The following CNTN5 variants were observed in gnomAD, a reference collection of about 807,000 sequenced individuals.
CNTN5 encodes the protein contactin 5, also known as contactin-5.
Under a neutral mutation model 129.1 loss-of-function variants are expected in CNTN5, and 77 were observed. The ratio of observed to expected loss-of-function variants is 0.60; its 90% CI spans 0.50 to 0.72. The LOEUF is 0.72. Ranked by LOEUF, CNTN5 falls within the 30% of genes least tolerant of loss-of-function variation. CNTN5 has a pLI of 0.00. For missense variants in CNTN5, 1,478 were observed against 1,328.8 expected (o/e 1.11, Z -1.75); for synonymous variants, 509 against 465.6 (o/e 1.09, Z -1.20).
At chr11:100,141,696 C>T (rs1055974370) in intron 13 of CNTN5, among the ~76,000 whole-genome samples, 9 of 152,022 alleles carry the variant, frequency 5.9e-5, no homozygotes, top group Admixed American at 1.3e-4. Flanking sequence ...AATAAAATAG[C>T]GTAAGAAATC....
chr11:100,180,371 C>T (rs1222884923), intron 13 of CNTN5, among the ~76,000 whole-genome samples: 2 of 151,904 alleles, frequency 1.3e-5, no homozygotes, highest in African/African-American at 2.4e-5. Context: ...AAAAGGATAG[C>T]CTTTTGGAAA....
intron 1 of CNTN5, among the ~76,000 whole-genome samples, chr11:99,082,352 T>C (rs935542825): frequency 2.6e-5 from 4 of 152,034 alleles, no homozygotes; most frequent in African/African-American, 9.7e-5. Context: ...GCCCAGCTAA[T>C]TTTTGTATTT....
At chr11:99,319,015 AT>A (rs1865456162) in intron 1 of CNTN5, among the ~76,000 whole-genome samples, 1 of 152,184 alleles carries the variant, frequency 6.6e-6, no homozygotes, top group Non-Finnish European at 1.5e-5. Flanking sequence ...GAAAAGGTGA[AT>A]TGGACTGTGC....
At chr11:99,232,258 G>T (rs1291964370) in intron 1 of CNTN5, among the ~76,000 whole-genome samples, 1 of 152,130 alleles carries the variant, frequency 6.6e-6, no homozygotes, top group South Asian at 2.1e-4. Flanking sequence ...CCATTTTCAT[G>T]ATATTGATTT....
At chr11:100,032,132 C>A (rs912690809) in intron 9 of CNTN5, among the ~76,000 whole-genome samples, 3 of 152,126 alleles carry the variant, frequency 2.0e-5, no homozygotes, top group African/African-American at 7.2e-5. Context: ...CCAGGGGCTG[C>A]AGGTGAGAGA....
At chr11:100,027,551 T>C (rs1245809237) in intron 9 of CNTN5, among the ~76,000 whole-genome samples, 2 of 152,216 alleles carry the variant, frequency 1.3e-5, no homozygotes, top group Non-Finnish European at 2.9e-5. Flanking sequence ...TGTCCTTTCC[T>C]ATTTTAAAAT....
chr11:99,086,895 C>T (rs1866029217), intron 1 of CNTN5, among the ~76,000 whole-genome samples: 1 of 152,160 alleles, frequency 6.6e-6, no homozygotes, highest in East Asian at 1.9e-4. Flanking sequence ...CACTCTTTTA[C>T]ATATATAAAT....
At chr11:99,367,043 GT>G (rs1225943111) in intron 2 of CNTN5, among the ~76,000 whole-genome samples, 2 of 152,204 alleles carry the variant, frequency 1.3e-5, no homozygotes, top group Admixed American at 6.6e-5. Context: ...ATATTAAAAT[GT>G]TTTTATGGTA....
At chr11:99,118,244 T>G (rs1186410352) in intron 1 of CNTN5, among the ~76,000 whole-genome samples, 1 of 152,132 alleles carries the variant, frequency 6.6e-6, no homozygotes, top group Non-Finnish European at 1.5e-5. Flanking sequence ...AGCCAACCCT[T>G]GGCTAGTCTT....
chr11:99,858,614 A>G (rs1464242650), intron 6 of CNTN5, among the ~76,000 whole-genome samples: 1 of 102 alleles, frequency 9.8e-3, no homozygotes, highest in East Asian at 0.17. Flanking sequence ...TACCTTTAGA[A>G]AGATTCTGTG....
rs1298973819 is a variant in CNTN5, at chr11:99,844,889, AGAT to A, written c.319_321del (p.Asp107del). ...ATGGGCCAGTTTTTGTGCAAGAACC[AGAT>A]GATATTATTTTTCCAACTGATTCTG... On this transcript the variant is annotated inframe_deletion, in exon 5 of 25. Transcript: ENST00000524871. The A allele has an allele frequency of 1.2e-6, 2 of 1,613,792 alleles. No homozygotes were observed. The highest frequency in any genetic ancestry group is 1.7e-6 in the Non-Finnish European group (2 of 1,179,726).
At chr11:99,309,338 T>C (rs1865008526) in intron 1 of CNTN5, among the ~76,000 whole-genome samples, 1 of 152,188 alleles carries the variant, frequency 6.6e-6, no homozygotes, top group South Asian at 2.1e-4. Context: ...GGCACCTTGA[T>C]GCTGAAGAGT....
chr11:99,066,857 G>T (rs893202338), intron 1 of CNTN5, among the ~76,000 whole-genome samples: 2 of 152,126 alleles, frequency 1.3e-5, no homozygotes, highest in Admixed American at 6.6e-5. Flanking sequence ...TTCCTGGGAG[G>T]CATAGATCTC....
intron 13 of CNTN5, among the ~76,000 whole-genome samples, chr11:100,132,426 C>T (rs531488922): frequency 6.6e-6 from 1 of 152,128 alleles, no homozygotes; most frequent in South Asian, 2.1e-4. Context: ...TTAATGGGGG[C>T]AGTAGGAGTA....
intron 3 of CNTN5, among the ~76,000 whole-genome samples, chr11:99,768,908 A>G (rs1195278700): frequency 1.3e-5 from 2 of 152,176 alleles, no homozygotes; most frequent in Non-Finnish European, 2.9e-5. Flanking sequence ...TTTAACATCT[A>G]TTGATGATCC....
chr11:99,904,785 A>G (rs1949452644), intron 6 of CNTN5, among the ~76,000 whole-genome samples: 1 of 152,128 alleles, frequency 6.6e-6, no homozygotes. Context: ...CAATTTCTCC[A>G]CATCCTCTGT....
chr11:100,066,764 C>T (rs1355722910), intron 10 of CNTN5, among the ~76,000 whole-genome samples: 2 of 149,948 alleles, frequency 1.3e-5, no homozygotes, highest in Non-Finnish European at 3.0e-5. Flanking sequence ...CACGTCTTGG[C>T]ATCTGCTCAC....
intron 3 of CNTN5, among the ~76,000 whole-genome samples, chr11:99,696,706 G>A (rs1954284266): frequency 6.6e-6 from 1 of 151,548 alleles, no homozygotes; most frequent in African/African-American, 2.4e-5. Context: ...ATGACAGAAA[G>A]AAAACAGTTC....
chr11:99,336,577 T>G (rs919985005), intron 2 of CNTN5, among the ~76,000 whole-genome samples: 10 of 152,280 alleles, frequency 6.6e-5, no homozygotes, highest in African/African-American at 2.2e-4. Flanking sequence ...CAGTGGCTCA[T>G]GCCTATAATC....
Sources: allele counts gnomAD v4.1 joint callset (sites outside exome capture counted in the v4.1 genomes callset), GRCh38; gene constraint gnomAD v4.1.1; transcripts MANE v1.5; gene names NCBI Gene and HGNC (gene_info 2026-07-23, HGNC 2026-07-21).